The following KCNH1 variants were observed in gnomAD, a reference collection of about 807,000 sequenced individuals.
KCNH1 encodes the protein potassium voltage-gated channel subfamily H member 1.
In KCNH1, 27 loss-of-function variants were observed where a neutral mutation model predicts 69.2. The ratio of observed to expected loss-of-function variants is 0.39; its 90% CI spans 0.29 to 0.54. KCNH1 has a LOEUF of 0.54. Ranked by LOEUF, KCNH1 falls within the 20% of genes least tolerant of loss-of-function variation. KCNH1 has a pLI of 0.68. For missense variants in KCNH1, 798 were observed against 1,261.6 expected (o/e 0.63, Z 5.57); for synonymous variants, 456 against 487.7 (o/e 0.93, Z 0.86).
chr1:211,068,507 T>C (rs754687927), intron 5 of KCNH1, among the ~76,000 whole-genome samples: 14 of 152,198 alleles, frequency 9.2e-5, no homozygotes, highest in Non-Finnish European at 1.5e-4. Flanking sequence ...GTGATTCTTC[T>C]GCCTCAGCCT....
At chr1:211,123,098 G>A (rs1313355936) in intron 1 of KCNH1, among the ~76,000 whole-genome samples, 1 of 152,180 alleles carries the variant, frequency 6.6e-6, no homozygotes, top group South Asian at 2.1e-4. Context: ...CAGGAGTGTA[G>A]GGGACACACT....
chr1:210,764,254 A>C (rs980553225), intron 10 of KCNH1, among the ~76,000 whole-genome samples: 1 of 152,192 alleles, frequency 6.6e-6, no homozygotes, highest in East Asian at 1.9e-4. Context: ...AATACCTCAA[A>C]CTATAAAAAT....
intron 3 of KCNH1, among the ~76,000 whole-genome samples, chr1:211,093,112 A>C (rs1169524511): frequency 6.6e-6 from 1 of 152,166 alleles, no homozygotes; most frequent in African/African-American, 2.4e-5. Flanking sequence ...CCTGCAGCCC[A>C]TCACTGCACT....
intron 7 of KCNH1, among the ~76,000 whole-genome samples, chr1:210,821,904 A>T (rs2102427354): frequency 6.6e-6 from 1 of 151,856 alleles, no homozygotes; most frequent in East Asian, 1.9e-4. Context: ...TGGCATGATC[A>T]TAGCTCATTG....
chr1:210,833,229 C>T (rs1300976874), intron 7 of KCNH1, among the ~76,000 whole-genome samples: 5 of 152,052 alleles, frequency 3.3e-5, no homozygotes, highest in Non-Finnish European at 7.4e-5. Flanking sequence ...GGCACACAAC[C>T]TGAGAATTAT....
chr1:210,745,924 AG>A (rs202202385), intron 10 of KCNH1, among the ~76,000 whole-genome samples: 14 of 150,526 alleles, frequency 9.3e-5, no homozygotes, highest in Admixed American at 4.0e-4. Context: ...CTGGCACTAG[AG>A]GGGGGGTGGT....
At chr1:210,979,424 C>T (rs1161014853) in intron 6 of KCNH1, among the ~76,000 whole-genome samples, 2 of 152,188 alleles carry the variant, frequency 1.3e-5, no homozygotes, top group Non-Finnish European at 2.9e-5. Flanking sequence ...GCCAACCTCA[C>T]TGAGCCATAG....
At chr1:211,022,375 A>C (rs911545098) in intron 5 of KCNH1, among the ~76,000 whole-genome samples, 1 of 152,196 alleles carries the variant, frequency 6.6e-6, no homozygotes, top group African/African-American at 2.4e-5. Flanking sequence ...AGAATCGATA[A>C]AATAAAACTT....
intron 10 of KCNH1, among the ~76,000 whole-genome samples, chr1:210,736,670 G>T (rs568172956): frequency 6.6e-6 from 1 of 152,042 alleles, no homozygotes; most frequent in Non-Finnish European, 1.5e-5. Context: ...CTCTTAAAAT[G>T]TATACATAAA....
chr1:210,830,662 T>C (rs1685138762), intron 7 of KCNH1, among the ~76,000 whole-genome samples: 1 of 152,166 alleles, frequency 6.6e-6, no homozygotes, highest in South Asian at 2.1e-4. Context: ...AATGACTTCC[T>C]ATGGAGGGTA....
chr1:211,114,965 T>G (rs1456768644), intron 1 of KCNH1, among the ~76,000 whole-genome samples: 3 of 152,022 alleles, frequency 2.0e-5, no homozygotes, highest in Non-Finnish European at 4.4e-5. Context: ...TGTTTGTTTG[T>G]TTTTTGTTTT....
chr1:211,014,432 G>A (rs74156872), intron 6 of KCNH1, among the ~76,000 whole-genome samples: 270 of 152,240 alleles, frequency 1.8e-3, no homozygotes, highest in African/African-American at 6.2e-3. Flanking sequence ...CCAACAGACC[G>A]GAGAATGACG....
At chr1:210,899,672 A>C (rs1160759613) in intron 7 of KCNH1, among the ~76,000 whole-genome samples, 1 of 152,228 alleles carries the variant, frequency 6.6e-6, no homozygotes, top group Non-Finnish European at 1.5e-5. Flanking sequence ...AACTTCCACT[A>C]ACTGGTGGGC....
chr1:211,087,643 A>G lies in KCNH1; in HGVS notation c.439+2919T>C, dbSNP rs867243777. On this transcript the variant is annotated intron_variant, in intron 4 of 10. Transcript: ENST00000271751. ...CACACACACACACACACACACGCAC[A>G]CACACACACACACACACACACCCCA... is the stretch of plus-strand genomic sequence containing the variant. Among the ~76,000 whole-genome samples the G allele has an allele frequency of 4.6e-3, 652 of 141,216 alleles. 3 individuals are homozygous for G. The highest frequency in any genetic ancestry group is 6.7e-3 in the Non-Finnish European group (442 of 65,678). 92.6% of individuals were successfully genotyped at this position (141,216 alleles called of 152,430 possible).
chr1:210,862,984 A>G (rs1047995218), intron 7 of KCNH1, among the ~76,000 whole-genome samples: 1 of 152,180 alleles, frequency 6.6e-6, no homozygotes, highest in Non-Finnish European at 1.5e-5. Flanking sequence ...CCATTCTAGA[A>G]GGTAAGAGAA....
intron 9 of KCNH1, among the ~76,000 whole-genome samples, 175 bp downstream of exon 9, chr1:210,797,333 C>T (rs542681037): frequency 2.0e-5 from 3 of 152,352 alleles, no homozygotes; most frequent in East Asian, 3.9e-4. Context: ...CAAACAGTGA[C>T]TGGCTTTGTG....
At chr1:210,892,495 C>T (rs1259373679) in intron 7 of KCNH1, among the ~76,000 whole-genome samples, 3 of 152,100 alleles carry the variant, frequency 2.0e-5, no homozygotes, top group Non-Finnish European at 4.4e-5. Context: ...TGACAGCTCC[C>T]CCACACATGC....
At chr1:211,004,015 C>A (rs1449716072) in intron 6 of KCNH1, among the ~76,000 whole-genome samples, 1 of 152,130 alleles carries the variant, frequency 6.6e-6, no homozygotes, top group East Asian at 1.9e-4. Flanking sequence ...ATGGCGTGAA[C>A]CCCGGGGGAC....
chr1:210,891,871 A>G (rs1686757250), intron 7 of KCNH1, among the ~76,000 whole-genome samples: 1 of 152,234 alleles, frequency 6.6e-6, no homozygotes, highest in Non-Finnish European at 1.5e-5. Flanking sequence ...CACCGTGGAT[A>G]CTATGCAGAC....
Sources: allele counts gnomAD v4.1 joint callset (sites outside exome capture counted in the v4.1 genomes callset), GRCh38; gene constraint gnomAD v4.1.1; transcripts MANE v1.5; gene names NCBI Gene and HGNC (gene_info 2026-07-23, HGNC 2026-07-21).